Variants in ERBB4 observed in about 807,000 individuals in gnomAD.
The protein encoded by ERBB4 is receptor tyrosine-protein kinase erbB-4.
ERBB4 carries 42 observed loss-of-function variants against 158.0 expected under a neutral mutation model. The observed-to-expected ratio is 0.27, with a 90% CI of 0.21 to 0.34. ERBB4 has a LOEUF of 0.34. Among genes scored for constraint, ERBB4 ranks in the 10% least tolerant of loss-of-function variants. The pLI is 1.00. For synonymous variants in ERBB4, 583 were observed against 558.7 expected (o/e 1.04, Z -0.61); for missense variants, 1,333 against 1,624.1 (o/e 0.82, Z 3.08).
At chr2:212,414,144 G>A (rs2091583415) in intron 1 of ERBB4, among the ~76,000 whole-genome samples, 1 of 152,036 alleles carries the variant, frequency 6.6e-6, no homozygotes, top group African/African-American at 2.4e-5. Flanking sequence ...TATCTCATGG[G>A]AATTCATCTC....
At chr2:211,563,307 A>T (rs1015292720) in intron 19 of ERBB4, among the ~76,000 whole-genome samples, 3 of 152,190 alleles carry the variant, frequency 2.0e-5, no homozygotes, top group African/African-American at 7.2e-5. Flanking sequence ...ATCTCCTACG[A>T]AAACAATAGT....
At chr2:211,415,114 T>TTC (rs2063356211) in intron 25 of ERBB4, among the ~76,000 whole-genome samples, 1 of 112,766 alleles carries the variant, frequency 8.9e-6, no homozygotes, top group African/African-American at 3.4e-5. Context: ...TTTCTTTTTT[T>TTC]TTTTTTTTTT....
At chr2:211,656,591 A>T (rs2071227231) in intron 16 of ERBB4, among the ~76,000 whole-genome samples, 1 of 152,240 alleles carries the variant, frequency 6.6e-6, no homozygotes, top group Non-Finnish European at 1.5e-5. Context: ...ATAGAAGAAT[A>T]GTTCCATTAT....
chr2:212,267,747 C>T (rs959520254), intron 1 of ERBB4, among the ~76,000 whole-genome samples: 6 of 151,420 alleles, frequency 4.0e-5, no homozygotes, highest in Non-Finnish European at 7.4e-5. Flanking sequence ...TATCCCTCCC[C>T]CCTTCCCCCA....
chr2:212,447,355 TCTC>T (rs1303677146), intron 1 of ERBB4, among the ~76,000 whole-genome samples: 3 of 151,924 alleles, frequency 2.0e-5, no homozygotes, highest in African/African-American at 7.3e-5. Context: ...CCAGTCAACT[TCTC>T]CACTTTGTCC....
intron 20 of ERBB4, among the ~76,000 whole-genome samples, chr2:211,512,319 T>C (rs1312687086): frequency 6.6e-6 from 1 of 152,098 alleles, no homozygotes; most frequent in Non-Finnish European, 1.5e-5. Context: ...TATATCTTAT[T>C]GCACCATTCT....
intron 2 of ERBB4, among the ~76,000 whole-genome samples, chr2:212,115,478 A>G (rs2079544874): frequency 1.3e-5 from 2 of 152,234 alleles, no homozygotes; most frequent in African/African-American, 4.8e-5. Context: ...ATTAAAAGAT[A>G]GCTCATTGCC....
intron 2 of ERBB4, among the ~76,000 whole-genome samples, chr2:212,068,920 G>C (rs933445148): frequency 6.6e-6 from 1 of 151,982 alleles, no homozygotes; most frequent in African/African-American, 2.4e-5. Flanking sequence ...ACGTAAATAT[G>C]AATGAATGAA....
At chr2:212,268,939 G>A (rs564751417) in intron 1 of ERBB4, among the ~76,000 whole-genome samples, 6 of 151,714 alleles carry the variant, frequency 4.0e-5, no homozygotes, top group African/African-American at 1.2e-4. Context: ...AATAATTCCA[G>A]GGAGTTTAAC....
intron 2 of ERBB4, among the ~76,000 whole-genome samples, chr2:212,117,951 T>C (rs1189359936): frequency 6.6e-6 from 1 of 152,188 alleles, no homozygotes; most frequent in African/African-American, 2.4e-5. Context: ...TAACTCAAAA[T>C]AATAAGTACT....
intron 1 of ERBB4, among the ~76,000 whole-genome samples, chr2:212,400,868 T>G (rs1253882258): frequency 6.6e-6 from 1 of 152,140 alleles, no homozygotes; most frequent in Non-Finnish European, 1.5e-5. Context: ...GGGCAACAAT[T>G]TTTTGTTAAA....
chr2:212,364,336 A>G (rs2089801586), intron 1 of ERBB4, among the ~76,000 whole-genome samples: 1 of 151,654 alleles, frequency 6.6e-6, no homozygotes, highest in African/African-American at 2.4e-5. Context: ...TTTTCTTTCA[A>G]AAAAATGAAT....
intron 1 of ERBB4, among the ~76,000 whole-genome samples, chr2:212,300,490 T>C (rs1381881382): frequency 6.6e-6 from 1 of 151,558 alleles, no homozygotes; most frequent in Non-Finnish European, 1.5e-5. Flanking sequence ...CGTCTGAATT[T>C]TTCTTGTGAG....
intron 3 of ERBB4, among the ~76,000 whole-genome samples, chr2:211,904,642 A>C (rs1400290568): frequency 6.6e-6 from 1 of 152,140 alleles, no homozygotes; most frequent in Non-Finnish European, 1.5e-5. Context: ...ACAGTTGATT[A>C]ATAGTTTCAG....
chr2:212,306,417 G>T (rs1476749208), intron 1 of ERBB4, among the ~76,000 whole-genome samples: 2 of 151,412 alleles, frequency 1.3e-5, no homozygotes, highest in Non-Finnish European at 3.0e-5. Context: ...TGGTTGCTTT[G>T]CTAGAACAGT....
intron 2 of ERBB4, among the ~76,000 whole-genome samples, chr2:212,105,062 C>T (rs2079186221): frequency 6.6e-6 from 1 of 152,080 alleles, no homozygotes; most frequent in African/African-American, 2.4e-5. Flanking sequence ...TAGAATGCTC[C>T]ATTAGGAAAT....
At chr2:212,238,542 G>A (rs1375386360) in intron 1 of ERBB4, among the ~76,000 whole-genome samples, 1 of 152,040 alleles carries the variant, frequency 6.6e-6, no homozygotes, top group East Asian at 1.9e-4. Flanking sequence ...CTAGCCACCT[G>A]CATTATTATA....
intron 3 of ERBB4, among the ~76,000 whole-genome samples, chr2:211,799,480 G>A (rs189289970): frequency 3.3e-5 from 5 of 152,268 alleles, no homozygotes; most frequent in African/African-American, 1.2e-4. Flanking sequence ...ATGCCAGATG[G>A]TTTAGTCCAC....
At chr2:212,426,364 A>C (rs758319793) in intron 1 of ERBB4, 1 of 429,598 alleles carries the variant, frequency 2.3e-6, no homozygotes, top group Non-Finnish European at 4.5e-6. Flanking sequence ...GTTATTAGAA[A>C]GATGGTGGTT....
Sources: allele counts gnomAD v4.1 joint callset (sites outside exome capture counted in the v4.1 genomes callset), GRCh38; gene constraint gnomAD v4.1.1; transcripts MANE v1.5; gene names NCBI Gene and HGNC (gene_info 2026-07-23, HGNC 2026-07-21).